FERMT2: variants seen among roughly 807,000 people sequenced by gnomAD.
FERMT2 encodes the protein fermitin family homolog 2.
A neutral mutation model predicts 82.7 loss-of-function variants in FERMT2; 15 were observed. The observed-to-expected ratio is 0.18, with a 90% confidence interval of 0.12 to 0.28. The LOEUF is 0.28. FERMT2 is among the 10% of genes least tolerant of loss of function. FERMT2 has a pLI of 1.00. For missense variants in FERMT2, 645 were observed against 809.4 expected, an observed-to-expected ratio of 0.80 and a Z score of 2.46; for synonymous variants, 274 against 271.5, an observed-to-expected ratio of 1.01 and a Z score of -0.09.
At chr14:52,910,161 C>G (rs1230739928) in intron 3 of FERMT2, among the ~76,000 whole-genome samples, 2 of 152,194 alleles carry the variant, frequency 1.3e-5, no homozygotes, top group African/African-American at 2.4e-5. Flanking sequence ...ACCTAAATCA[C>G]TTTTATAATT....
chr14:52,858,594 G>C (rs569399329), intron 14 of FERMT2, 44 bp from the exon 15 acceptor site: 3 of 1,593,192 alleles, frequency 1.9e-6, no homozygotes, highest in South Asian at 2.2e-5. Context: ...CAAATGCTAG[G>C]TGGCTGGGTC....
intron 13 of FERMT2, chr14:52,860,083 C>G (rs1884831478): frequency 2.7e-6 from 1 of 366,302 alleles, no homozygotes; most frequent in Non-Finnish European, 4.9e-6. Context: ...TCCCACAGTG[C>G]TGCGATTACA....
intron 6 of FERMT2, among the ~76,000 whole-genome samples, 168 bp downstream of exon 6, chr14:52,880,868 T>C (rs972256620): frequency 2.6e-5 from 4 of 152,202 alleles, no homozygotes; most frequent in Non-Finnish European, 4.4e-5. Context: ...TAAAATAGAC[T>C]TATTTAAAAT....
chr14:52,860,257 T>C, intron 13 of FERMT2, 84 bp downstream of exon 13: 1 of 1,202,888 alleles, frequency 8.3e-7, no homozygotes, highest in East Asian at 2.4e-5. Context: ...AGGTATGCTT[T>C]AGATGTTTAA....
At chr14:52,905,139 A>G (rs1193865888) in intron 3 of FERMT2, among the ~76,000 whole-genome samples, 4 of 151,044 alleles carry the variant, frequency 2.6e-5, no homozygotes, top group African/African-American at 9.7e-5. Context: ...CAGTGAGCCA[A>G]GATTGCGCCA....
chr14:52,899,450 GT>G (rs1381568179), intron 3 of FERMT2, among the ~76,000 whole-genome samples: 3 of 151,928 alleles, frequency 2.0e-5, no homozygotes, highest in Non-Finnish European at 2.9e-5. Context: ...ACCCAGCTAA[GT>G]TTTTGTATTT....
intron 3 of FERMT2, among the ~76,000 whole-genome samples, chr14:52,909,525 T>C (rs993008680): frequency 6.6e-6 from 1 of 152,208 alleles, no homozygotes; most frequent in African/African-American, 2.4e-5. Flanking sequence ...TGGTGGCTAA[T>C]GCGTGTAATC....
chr14:52,894,844 A>G (rs1208136098), intron 3 of FERMT2, among the ~76,000 whole-genome samples: 2 of 151,014 alleles, frequency 1.3e-5, no homozygotes, highest in Non-Finnish European at 2.9e-5. Flanking sequence ...TAGATAGGAC[A>G]CACAAAAAAG....
At chr14:52,859,525 T>C (rs780753129) in intron 14 of FERMT2, 48 bp downstream of exon 14, 1 of 1,480,508 alleles carries the variant, frequency 6.8e-7, no homozygotes, top group East Asian at 2.4e-5. Flanking sequence ...AATGTACTAA[T>C]TTGTATCAGA....
chr14:52,891,652 T>C (rs1886940409), intron 4 of FERMT2, among the ~76,000 whole-genome samples: 1 of 152,198 alleles, frequency 6.6e-6, no homozygotes, highest in African/African-American at 2.4e-5. Context: ...CTGTGAGTGC[T>C]GCTTTCATTA....
intron 4 of FERMT2, among the ~76,000 whole-genome samples, chr14:52,886,915 A>T (rs1886645731): frequency 6.6e-6 from 1 of 152,170 alleles, no homozygotes; most frequent in Admixed American, 6.5e-5. Context: ...AAGAGACTGT[A>T]TTCATGTATA....
intron 12 of FERMT2, 89 bp from the exon 13 acceptor site, chr14:52,860,554 C>G (rs1365634277): frequency 9.1e-7 from 1 of 1,094,066 alleles, no homozygotes; most frequent in East Asian, 2.5e-5. Flanking sequence ...GAATTACGCA[C>G]CCCGTACCCC....
chr14:52,919,200 T>C lies in FERMT2; in HGVS notation c.314A>G (p.Asn105Ser), dbSNP rs769097634. The part of the protein sequence containing the change: ...QHKLLRLQLP[N>S]MKYVKVKVNF... ...CACTTTCACCTTCACATACTTCATG[T>C]TGGGAAGCTGCAGGCGGAGCAGTTT... is the stretch of plus-strand genomic sequence containing the variant. Residue 105 changes from asparagine (N) to serine (S), a missense_variant, in exon 3 of 15, where the codon AAC (asparagine) becomes AGC (serine). By Grantham distance (46) the Asn-to-Ser change is conservative. Coordinates refer to ENST00000341590, the MANE Select transcript of FERMT2 (RefSeq NM_006832.3). 2.5e-6 allele frequency: 4 copies of C among 1,613,958 alleles called. No homozygotes were observed. In the Admixed American group the frequency reaches 5.0e-5, roughly 20 times the overall value.
At position 52,897,601 on chromosome 14, in the gene FERMT2, TTAAA is replaced by T. The variant is rs535583695; in HGVS notation, c.392-4178_392-4175del. Among the ~76,000 whole-genome samples the T allele has an allele frequency of 1.7e-4, 26 of 152,288 alleles. No individual in the cohort carries two copies. The East Asian group carries it at 5.0e-3, about 29-fold the overall frequency. On this transcript the variant is annotated intron_variant, in intron 3 of 14. Coordinates refer to ENST00000341590, the MANE Select transcript of FERMT2 (RefSeq NM_006832.3). ...ATTTTTATATAAACATTGTCCATGTTTAAATAAGAAGTCCAAATAAATTATTTTA... is the reference window on the plus strand; with the variant it reads ...ATTTTTATATAAACATTGTCCATGTTTAAGAAGTCCAAATAAATTATTTTA...
chr14:52,949,403 A>G (rs1306069475), intron 2 of FERMT2, among the ~76,000 whole-genome samples: 1 of 149,978 alleles, frequency 6.7e-6, no homozygotes. Context: ...AAAAAAAAAG[A>G]CGAAAAAAAC....
At chr14:52,900,105 TTTG>T in intron 3 of FERMT2, among the ~76,000 whole-genome samples, 1 of 152,048 alleles carries the variant, frequency 6.6e-6, no homozygotes, top group African/African-American at 2.4e-5. Flanking sequence ...AATGTTTTTT[TTTG>T]TTTGTTTGTT....
At chr14:52,909,578 A>G (rs904549672) in intron 3 of FERMT2, among the ~76,000 whole-genome samples, 3 of 151,902 alleles carry the variant, frequency 2.0e-5, no homozygotes, top group Non-Finnish European at 4.4e-5. Context: ...ACTTGAGGTC[A>G]GGAGTCCAGG....
At chr14:52,873,908 A>G (rs1594936934) in intron 9 of FERMT2, among the ~76,000 whole-genome samples, 1 of 147,624 alleles carries the variant, frequency 6.8e-6, no homozygotes, top group Non-Finnish European at 1.5e-5. Flanking sequence ...CTGTATTACT[A>G]TGTTTCAGCA....
At chr14:52,901,743 A>T (rs1411133995) in intron 3 of FERMT2, among the ~76,000 whole-genome samples, 1 of 152,160 alleles carries the variant, frequency 6.6e-6, no homozygotes, top group Non-Finnish European at 1.5e-5. Context: ...AAATTCTACC[A>T]AGCAAAATTC....
Sources: allele counts gnomAD v4.1 joint callset (sites outside exome capture counted in the v4.1 genomes callset), GRCh38; gene constraint gnomAD v4.1.1; transcripts MANE v1.5; gene names NCBI Gene and HGNC (gene_info 2026-07-23, HGNC 2026-07-21).